Variants in THBS2 observed in about 807,000 individuals in gnomAD.
The protein encoded by THBS2 is thrombospondin-2.
A neutral mutation model predicts 135.2 loss-of-function variants in THBS2; 47 were observed. That is an observed-to-expected ratio of 0.35 (90% CI 0.28 to 0.44). THBS2 has a LOEUF of 0.44. Ranked by LOEUF, THBS2 falls within the 20% of genes least tolerant of loss-of-function variation. THBS2 has a pLI of 1.00. For missense variants in THBS2, 1,288 were observed against 1,603.1 expected (o/e 0.80, Z 3.36); for synonymous variants, 639 against 633.8 (o/e 1.01, Z -0.12).
chr6:169,242,431 T>C (rs1469919221), intron 4 of THBS2, among the ~76,000 whole-genome samples: 13 of 151,964 alleles, frequency 8.6e-5, no homozygotes, highest in South Asian at 2.1e-4. Context: ...CCTTTTTTTT[T>C]CATCCCCAAA....
intron 21 of THBS2, among the ~76,000 whole-genome samples, chr6:169,218,679 A>ATATG (rs1554243994): frequency 1.5e-5 from 2 of 129,460 alleles, no homozygotes; most frequent in South Asian, 2.7e-4. Flanking sequence ...GCGGATGAGT[A>ATATG]GATGGATGGA....
At chr6:169,240,894 C>T (rs1192130962) in intron 5 of THBS2, among the ~76,000 whole-genome samples, 1 of 152,272 alleles carries the variant, frequency 6.6e-6, no homozygotes, top group East Asian at 1.9e-4. Flanking sequence ...GCTCCTTCGA[C>T]TGGGGACGCC....
In THBS2 at chr6:169,250,791, T is replaced by C. The variant is rs1780724915; in HGVS notation, c.-7A>G. 6.2e-7 allele frequency: 1 copy of C among 1,612,868 alleles called. No homozygotes were observed. The highest frequency in any genetic ancestry group is 1.3e-5 in the African/African-American group (1 of 74,902). On this transcript the variant is annotated 5_prime_UTR_variant, in exon 2 of 22. Coordinates refer to ENST00000617924, the MANE Select transcript of THBS2 (RefSeq NM_003247.5). ...GGACCAGCCTCCAGACCATCCTGCC[T>C]CCTGCAGCTGAGCTCCTGGGAATAC...
chr6:169,222,920 G>A (rs1236374162), intron 18 of THBS2, among the ~76,000 whole-genome samples: 2 of 152,108 alleles, frequency 1.3e-5, no homozygotes, highest in African/African-American at 4.8e-5. Flanking sequence ...TCATCCCGAT[G>A]GGCTCTTTTA....
chr6:169,221,318 A>G (rs948678838), intron 20 of THBS2, 112 bp downstream of exon 20: 1 of 908,726 alleles, frequency 1.1e-6, no homozygotes, highest in Non-Finnish European at 1.8e-6. Context: ...AAGAATCCAG[A>G]GTAAAACAAA....
intron 5 of THBS2, 88 bp from the exon 6 acceptor site, chr6:169,240,680 T>A: frequency 6.7e-7 from 1 of 1,494,064 alleles, no homozygotes; most frequent in South Asian, 1.3e-5. Flanking sequence ...AAGTTCCTCC[T>A]TCATTAAAAA....
In THBS2 at chr6:169,251,319, T is replaced by TA. The variant is rs35906434; in HGVS notation, c.-22-514dup. Among the ~76,000 whole-genome samples the TA allele has an allele frequency of 5.9e-5, 9 of 152,240 alleles. 2 individuals are homozygous for TA. The highest frequency in any genetic ancestry group is 1.5e-5 in the Non-Finnish European group (1 of 68,006). On this transcript the variant is annotated intron_variant, in intron 1 of 21. Coordinates refer to ENST00000617924, the MANE Select transcript of THBS2 (RefSeq NM_003247.5). ...AATTAAATAGAATGAATATCAACTG[T>TA]AAAAAAAAGTTACAAATAAACTTAA...
At chr6:169,224,674 C>T (rs9800592) in intron 17 of THBS2, among the ~76,000 whole-genome samples, 36,900 of 152,048 alleles carry the variant, frequency 0.24, 4,774 homozygotes, top group African/African-American at 0.33. Context: ...CTTGGGCCCC[C>T]GTGGCTATGG....
chr6:169,232,778 C>T lies in THBS2; in HGVS notation c.1818G>A (p.Lys606=), dbSNP rs1193609832. The change falls in exon 12 of 22, where the codon AAG becomes AAA. Residue 606 remains lysine, a synonymous_variant. Coordinates refer to ENST00000617924, the MANE Select transcript of THBS2 (RefSeq NM_003247.5). ...GCTGAGTGTTGACACAGCGAGGCAC[C>T]TTGCTGGTGGAGAAGCAGATGTCGG... ...LVPDICFSTS[K]VPRCVNTQPG... The T allele has an allele frequency of 6.2e-7, 1 of 1,613,840 alleles. No individual in the cohort carries two copies. The highest frequency in any genetic ancestry group is 1.3e-5 in the African/African-American group (1 of 74,924).
At chr6:169,253,244 CAG>C (rs1780812381) in intron 1 of THBS2, among the ~76,000 whole-genome samples, 1 of 152,076 alleles carries the variant, frequency 6.6e-6, no homozygotes, top group African/African-American at 2.4e-5. Context: ...TGTTAACGAT[CAG>C]AGTCTCTCTC....
chr6:169,218,011 G>A (rs1583400997), intron 21 of THBS2, among the ~76,000 whole-genome samples, 182 bp from the exon 22 acceptor site: 1 of 98,034 alleles, frequency 1.0e-5, no homozygotes, highest in East Asian at 2.4e-4. Context: ...TGGGTGGATG[G>A]ATGAGATGGG....
chr6:169,251,964 G>A (rs1283430213), intron 1 of THBS2: 1 of 152,170 alleles, frequency 6.6e-6, no homozygotes, highest in African/African-American at 2.4e-5. Flanking sequence ...CTGAGCACCA[G>A]CTGTGCAACC....
rs1166016021 is a variant in THBS2 at position 169,232,782 on chromosome 6, C to G, written c.1814G>C (p.Ser605Thr). The G allele has an allele frequency of 3.0e-5, 49 of 1,613,762 alleles. No homozygotes were observed. The highest frequency in any genetic ancestry group is 4.1e-5 in the Non-Finnish European group (48 of 1,179,874). Residue 605 changes from serine to threonine, a missense_variant, in exon 12 of 22, where the codon AGC becomes ACC. By Grantham distance (58) the Ser-to-Thr change is moderately conservative (BLOSUM62 1). Transcript: ENST00000617924. Reference sequence around the variant, plus strand: ...AGTGTTGACACAGCGAGGCACCTTGCTGGTGGAGAAGCAGATGTCGGGGAC... The same window carrying G: ...AGTGTTGACACAGCGAGGCACCTTGGTGGTGGAGAAGCAGATGTCGGGGAC... ...ALVPDICFST[S>T]KVPRCVNTQP...
rs1425998280 is a variant in THBS2 at position 169,231,529 on chromosome 6, CCTT to C, written c.2151+448_2151+450del. Among the ~76,000 whole-genome samples, 3 of 152,298 alleles carry C rather than the reference CCTT, an allele frequency of 2.0e-5. No homozygotes were observed. In the East Asian group the frequency reaches 5.8e-4, roughly 29 times the overall value. On this transcript the variant is annotated intron_variant, in intron 13 of 21. Coordinates refer to ENST00000617924, the MANE Select transcript of THBS2 (RefSeq NM_003247.5). ...GCCTGGGATGGGCCCCGAAGGAGCT[CCTT>C]CTTCCAGCTGAGCAGCTCCTTATAC...
Position 169,228,283 on chromosome 6 carries a change from T to C in THBS2, c.2260-2A>G. The stretch of plus-strand genomic sequence containing the variant: ...ATTGAAGAGGAGCTGGCAGTTGTCC[T>C]GGAAAACCAAGAAAGGGAAGACTTT... On this transcript the variant is annotated splice_acceptor_variant, in intron 14 of 21. Transcript: ENST00000617924. LOFTEE classifies it high-confidence loss of function. 1 of 1,613,936 alleles carries C rather than the reference T, an allele frequency of 6.2e-7. No individual in the cohort carries two copies. Among genetic ancestry groups the C allele is most frequent in the Non-Finnish European group, 8.5e-7 (1 of 1,179,948 alleles).
chr6:169,222,511 G>A (rs773007028), intron 18 of THBS2, 43 bp from the exon 19 acceptor site: 9 of 1,583,544 alleles, frequency 5.7e-6, no homozygotes, highest in Admixed American at 5.1e-5. Flanking sequence ...CACCTTTCAG[G>A]TGGCCGGGAG....
In THBS2 at chr6:169,221,494, C is replaced by T; in HGVS notation, c.3307G>A (p.Gly1103Ser). ...RTLWHDPRNIGWKDYTAYRWH... is the reference protein window; with the variant it reads ...RTLWHDPRNISWKDYTAYRWH... ...CTATAGGCCGTGTAGTCCTTCCAGC[C>T]AATGTTCCTGGGGTCGTGCCATAAG... is the stretch of plus-strand genomic sequence containing the variant. The change falls in exon 20 of 22, where the codon GGC becomes AGC. Residue 1103 changes from glycine to serine, a missense_variant. Gly to Ser is a moderately conservative substitution (Grantham distance 56). This residue lies in a region of THBS2 where 874 missense variants were observed against 1,156.1 expected (regional missense o/e 0.76). Coordinates refer to ENST00000617924, the MANE Select transcript of THBS2 (RefSeq NM_003247.5). 6.2e-7 allele frequency: 1 copy of T among 1,614,018 alleles called. No homozygotes were observed. The highest frequency in any genetic ancestry group is 8.5e-7 in the Non-Finnish European group (1 of 1,180,018).
In THBS2 at chr6:169,225,285, T is replaced by C. The variant is rs1487028974; in HGVS notation, c.2633A>G (p.Tyr878Cys). 5.0e-6 allele frequency: 8 copies of C among 1,602,440 alleles called. No homozygotes were observed. In the East Asian group the frequency reaches 6.8e-5, roughly 14 times the overall value. Residue 878 changes from tyrosine (Y) to cysteine (C), a missense_variant, in exon 17 of 22, where the codon TAC becomes TGC. By Grantham distance (194) the Tyr-to-Cys change is radical (BLOSUM62 -2). Coordinates refer to ENST00000617924, the MANE Select transcript of THBS2 (RefSeq NM_003247.5). ...GHQNNQDNCPYISNANQADHD... is the reference protein window; with the variant it reads ...GHQNNQDNCPCISNANQADHD... Reference sequence around the variant, plus strand: ...GTCAGCCTGGTTGGCGTTGGAGATGTAGGGGCAGTTGTCCTGGTTGTTCTG... The same window carrying C: ...GTCAGCCTGGTTGGCGTTGGAGATGCAGGGGCAGTTGTCCTGGTTGTTCTG...
rs144973525 is a variant in THBS2, at chr6:169,237,697, C to T, written c.1228G>A (p.Val410Ile). The T allele has an allele frequency of 1.9e-5, 31 of 1,612,784 alleles. No individual in the cohort carries two copies. In the East Asian group the frequency reaches 2.9e-4, roughly 15 times the overall value. The change falls in exon 8 of 22, where the codon GTC (valine) becomes ATC (isoleucine). Residue 410 changes from valine (V) to isoleucine (I), a missense_variant. Val to Ile is a conservative substitution (Grantham distance 29). Transcript: ENST00000617924. ...GTQQRGRSCD[V>I]TSNTCLGPSI... ...GGCCCCAAGCAGGTGTTGCTGGTGA[C>T]GTCACAGGACCGGCCTCTCTGCTGG...
Sources: gnomAD v4.1 joint callset for allele counts (sites outside exome capture counted in the v4.1 genomes callset) on GRCh38, gnomAD v4.1.1 for gene constraint, gnomAD v4.1.1 regional missense constraint, MANE v1.5 for transcripts, NCBI Gene and HGNC (gene_info 2026-07-23, HGNC 2026-07-21) for gene names.